Variants in CADPS observed in about 807,000 individuals in gnomAD.
CADPS encodes the protein calcium dependent secretion activator.
In CADPS, 57 loss-of-function variants were observed where a neutral mutation model predicts 167.3. That is an observed-to-expected ratio of 0.34 (90% CI 0.28 to 0.42). The LOEUF (loss-of-function observed/expected upper bound fraction) is 0.42. Ranked by LOEUF, CADPS falls within the 20% of genes least tolerant of loss-of-function variation. CADPS has a pLI of 1.00. For missense variants in CADPS, 1,414 were observed against 1,738.1 expected (o/e 0.81, Z 3.32); for synonymous variants, 676 against 635.3 (o/e 1.06, Z -0.96).
chr3:62,427,306 G>A (rs1186458458), intron 28 of CADPS, among the ~76,000 whole-genome samples: 2 of 152,108 alleles, frequency 1.3e-5, no homozygotes, highest in African/African-American at 2.4e-5. Context: ...GGATTTCTGA[G>A]ACGAGTTCCC....
Position 62,861,606 on chromosome 3 carries a change from T to G in CADPS, c.441+12983A>C, listed in dbSNP as rs371866539. 2.0e-5 allele frequency among the ~76,000 whole-genome samples: 3 copies of G among 152,334 alleles called. No individual in the cohort carries two copies. In the East Asian group the frequency reaches 5.8e-4, roughly 29 times the overall value. On this transcript the variant is annotated intron_variant, in intron 1 of 29. Transcript: ENST00000383710. ...TCACAGTGTGAAGACATTTATATTC[T>G]TCTTTTCTCTCCTTTCCCCATAGCT...
rs1360587095 is a variant in CADPS, at chr3:62,481,761, A to C, written c.3135T>G (p.Phe1045Leu). 1 of 1,609,026 alleles carries C rather than the reference A, an allele frequency of 6.2e-7. No homozygotes were observed. Among genetic ancestry groups the C allele is most frequent in the Admixed American group, 1.7e-5 (1 of 58,866 alleles). ...TAGCAGCCATCCATGACGGTGCCGA[A>C]AAAGTAGGCATTTGTGGGATGCCTA... is the stretch of plus-strand genomic sequence containing the variant. ...IPLGIPQMPT[F>L]SAPSWMAAIY... The change falls in exon 22 of 30, where the codon TTT (phenylalanine) becomes TTG (leucine). Residue 1045 changes from phenylalanine to leucine, a missense_variant. By Grantham distance (22) the Phe-to-Leu change is conservative (BLOSUM62 0). Transcript: ENST00000383710.
At chr3:62,510,133 ACTCTCCTCTCCTTTCCTCTCCT>A (rs1191189024) in intron 17 of CADPS, among the ~76,000 whole-genome samples, 8 of 150,570 alleles carry the variant, frequency 5.3e-5, no homozygotes, top group Admixed American at 6.6e-5. Flanking sequence ...CTATCTACCT[ACTCTCCTCTCCTTTCCTCTCCT>A]CTCTCCTCTC....
intron 28 of CADPS, among the ~76,000 whole-genome samples, chr3:62,413,993 T>A (rs1443000804): frequency 6.6e-6 from 1 of 152,172 alleles, no homozygotes; most frequent in Non-Finnish European, 1.5e-5. Context: ...AATTTTGAGA[T>A]TATGAAGAAC....
chr3:62,400,589 CTTTTTTTTTTTCT>C (rs1705581088), intron 29 of CADPS, among the ~76,000 whole-genome samples: 1 of 73,630 alleles, frequency 1.4e-5, no homozygotes, highest in Non-Finnish European at 2.9e-5. Context: ...ATCATTCTTT[CTTTTTTTTTTTCT>C]TTTTTTTTTT....
intron 7 of CADPS, 135 bp from the exon 8 acceptor site, chr3:62,585,459 CA>C (rs1367524637): frequency 1.2e-6 from 1 of 802,274 alleles, no homozygotes; most frequent in African/African-American, 1.8e-5. Context: ...GGGATAGAAA[CA>C]CATTCTTTTG....
chr3:62,411,974 G>T (rs1402076902), intron 28 of CADPS, among the ~76,000 whole-genome samples: 1 of 151,994 alleles, frequency 6.6e-6, no homozygotes, highest in Admixed American at 6.5e-5. Context: ...CTTAGAAATG[G>T]GTATTTCCCA....
At chr3:62,516,006 A>G in intron 16 of CADPS, 53 bp downstream of exon 16, 1 of 1,608,090 alleles carries the variant, frequency 6.2e-7, no homozygotes. Context: ...AGACTTCCCC[A>G]GGGAGGCATA....
intron 28 of CADPS, among the ~76,000 whole-genome samples, chr3:62,426,151 TTTTA>T (rs2052615399): frequency 6.6e-6 from 1 of 152,072 alleles, no homozygotes; most frequent in African/African-American, 2.4e-5. Context: ...GTGTGTTGTT[TTTTA>T]TTTATTTATT....
At chr3:62,767,454 G>A (rs531030127) in intron 1 of CADPS, among the ~76,000 whole-genome samples, 2 of 152,116 alleles carry the variant, frequency 1.3e-5, no homozygotes, top group Non-Finnish European at 2.9e-5. Flanking sequence ...ATAACATAAC[G>A]AGTTCTTTTA....
At chr3:62,493,052 T>G (rs9821634) in intron 19 of CADPS, among the ~76,000 whole-genome samples, 7,227 of 152,284 alleles carry the variant, frequency 0.047, 272 homozygotes, top group Admixed American at 0.13. Flanking sequence ...TGGTTTTGTA[T>G]CCAGTCTGGA....
At chr3:62,460,384 T>C (rs1289300005) in intron 26 of CADPS, among the ~76,000 whole-genome samples, 1 of 152,226 alleles carries the variant, frequency 6.6e-6, no homozygotes. Context: ...TCTGGTGATG[T>C]TACCCTCTGG....
chr3:62,695,088 G>C (rs779293419), intron 3 of CADPS, among the ~76,000 whole-genome samples: 4 of 151,954 alleles, frequency 2.6e-5, no homozygotes, highest in African/African-American at 9.7e-5. Context: ...AGTTTTATTG[G>C]AGATTAAATT....
At chr3:62,866,903 T>G (rs901168445) in intron 1 of CADPS, among the ~76,000 whole-genome samples, 5 of 152,012 alleles carry the variant, frequency 3.3e-5, no homozygotes, top group Non-Finnish European at 5.9e-5. Context: ...GGTCACAAAG[T>G]CAACATGTCA....
At chr3:62,850,819 T>C (rs999602884) in intron 1 of CADPS, among the ~76,000 whole-genome samples, 21 of 151,266 alleles carry the variant, frequency 1.4e-4, no homozygotes, top group African/African-American at 4.6e-4. Context: ...GTTCAATTCC[T>C]GGGTATCCTT....
At chr3:62,431,034 T>C (rs2053818264) in intron 28 of CADPS, among the ~76,000 whole-genome samples, 1 of 152,150 alleles carries the variant, frequency 6.6e-6, no homozygotes, top group Non-Finnish European at 1.5e-5. Context: ...TGACATGCTC[T>C]TTAGCTTCAT....
chr3:62,663,611 CAAA>C (rs34328613), intron 3 of CADPS, among the ~76,000 whole-genome samples: 15,354 of 120,146 alleles, frequency 0.13, 1,283 homozygotes, highest in East Asian at 0.53. Context: ...TCCCTGCCTC[CAAA>C]AAAAAAAAAA....
chr3:62,409,533 G>T (rs1436043851), intron 28 of CADPS, among the ~76,000 whole-genome samples: 1 of 152,218 alleles, frequency 6.6e-6, no homozygotes, highest in Non-Finnish European at 1.5e-5. Context: ...GACAATCATT[G>T]CTGACTCTTA....
At chr3:62,834,103 A>C (rs2075548644) in intron 1 of CADPS, among the ~76,000 whole-genome samples, 1 of 152,154 alleles carries the variant, frequency 6.6e-6, no homozygotes, top group African/African-American at 2.4e-5. Context: ...CGTATCAGTA[A>C]AAGTCATGTT....
Sources: allele counts gnomAD v4.1 joint callset (sites outside exome capture counted in the v4.1 genomes callset), GRCh38; gene constraint gnomAD v4.1.1; transcripts MANE v1.5; gene names NCBI Gene and HGNC (gene_info 2026-07-23, HGNC 2026-07-21).